Variants in SMIM12 observed in about 807,000 individuals in gnomAD.
The protein encoded by SMIM12 is small integral membrane protein 12.
In SMIM12, 5 loss-of-function variants were observed where a neutral mutation model predicts 6.3. That is an observed-to-expected ratio of 0.80 (90% CI 0.42 to 1.68). The LOEUF (loss-of-function observed/expected upper bound fraction) is 1.68. Among genes scored for constraint, SMIM12 ranks in the 40% most tolerant of loss-of-function variants. The pLI, the probability that SMIM12 is intolerant of heterozygous loss-of-function variation, is 0.02. For synonymous variants in SMIM12, 51 were observed against 48.0 expected (o/e 1.06, Z -0.26); for missense variants, 103 against 121.4 (o/e 0.85, Z 0.71).
intron 1 of SMIM12, chr1:34,858,226 T>C (rs1037420908): frequency 6.6e-5 from 10 of 152,132 alleles, no homozygotes; most frequent in Non-Finnish European, 1.2e-4. Flanking sequence ...ATAACACCTC[T>C]ATGATGTAGG....
Position 34,855,036 on chromosome 1 carries a change from T to C in SMIM12, c.*663A>G. On this transcript the variant is annotated 3_prime_UTR_variant, in exon 2 of 2. Coordinates refer to ENST00000521580, the MANE Select transcript of SMIM12 (RefSeq NM_138428.6). ...CCCAAATACCACCTGGATGATAAGA[T>C]TCGATCATTATGGTTCTCAGATACC... 2 of 1,267,754 alleles carry C rather than the reference T, an allele frequency of 1.6e-6. No homozygotes were observed. The highest frequency in any genetic ancestry group is 2.1e-6 in the Non-Finnish European group (2 of 973,906). The allele number at this position is 1,267,754 out of a possible 1,614,324, so 78.5% of individuals were successfully genotyped here.
At position 34,854,560 on chromosome 1, in the gene SMIM12, C is replaced by A. The variant is rs113260231; in HGVS notation, c.*1139G>T. On this transcript the variant is annotated 3_prime_UTR_variant, in exon 2 of 2. Coordinates refer to ENST00000521580, the MANE Select transcript of SMIM12 (RefSeq NM_138428.6). ...CTCCAGCCTGTGTGACAGAGTGAGACCCTGTCTCCAAAAAACCAATTATGA... is the reference window on the plus strand; with the variant it reads ...CTCCAGCCTGTGTGACAGAGTGAGAACCTGTCTCCAAAAAACCAATTATGA... The A allele has an allele frequency of 0.016, 2,423 of 152,398 alleles. 26 individuals carry two copies. The highest frequency in any genetic ancestry group is 0.031 in the Middle Eastern group (9 of 294). The allele number at this position is 152,398 out of a possible 1,614,324, so 9.4% of individuals were successfully genotyped here.
rs752041534 is a variant in SMIM12 at position 34,854,399 on chromosome 1, T to C, written c.*1300A>G. ...CTAGCCTGGGCAACATAGTGAGACC[T>C]GGTTCTACAAAAAAATAAAAAAATT... On this transcript the variant is annotated 3_prime_UTR_variant, in exon 2 of 2. Transcript: ENST00000521580. 2.6e-5 allele frequency: 4 copies of C among 152,070 alleles called. No individual in the cohort carries two copies. Among genetic ancestry groups the C allele is most frequent in the African/African-American group, 7.3e-5 (3 of 41,370 alleles). The allele number at this position is 152,070 out of a possible 1,614,324, so 9.4% of individuals were successfully genotyped here.
chr1:34,857,338 A>G (rs1638687133), intron 1 of SMIM12: 1 of 152,158 alleles, frequency 6.6e-6, no homozygotes, highest in South Asian at 2.1e-4. Context: ...GTAAAAACAC[A>G]CAAATTGGAT....
intron 1 of SMIM12, chr1:34,858,367 T>C (rs1050740920): frequency 1.3e-5 from 2 of 152,218 alleles, no homozygotes; most frequent in African/African-American, 4.8e-5. Flanking sequence ...GCCTACACTC[T>C]TTCTAGTGGG....
At chr1:34,858,891 T>C (rs1379853259) in intron 1 of SMIM12, 1 of 152,232 alleles carries the variant, frequency 6.6e-6, no homozygotes, top group Non-Finnish European at 1.5e-5. Context: ...AAGAACCGTG[T>C]CTGTCTGGCC....
rs1300420379 is a variant in SMIM12, at chr1:34,854,529, A to G, written c.*1170T>C. 1 of 152,408 alleles carries G rather than the reference A, an allele frequency of 6.6e-6. No individual in the cohort carries two copies. 9.4% of individuals were successfully genotyped at this position (152,408 alleles called of 1,614,324 possible). A position where few individuals can be genotyped will look rare whatever the true frequency, so the allele number is the denominator to read the frequency against. Reference sequence around the variant, plus strand: ...CAAGGTTGCACTGAGCCGTAATTGTACTGCACTCCAGCCTGTGTGACAGAG... The same window carrying G: ...CAAGGTTGCACTGAGCCGTAATTGTGCTGCACTCCAGCCTGTGTGACAGAG... On this transcript the variant is annotated 3_prime_UTR_variant, in exon 2 of 2. Transcript: ENST00000521580.
In SMIM12 at chr1:34,851,285, T is replaced by C. The variant is rs1367497419; in HGVS notation, c.*4414A>G. 2.0e-5 allele frequency: 3 copies of C among 152,096 alleles called. No individual in the cohort carries two copies. The highest frequency in any genetic ancestry group is 7.2e-5 in the African/African-American group (3 of 41,418). 9.4% of individuals were successfully genotyped at this position (152,096 alleles called of 1,614,324 possible). Reference sequence around the variant, plus strand: ...ACCCAACAAAAATTCTTACCCCTATTTTACAGGTGAGGATATTGAGGTTCA... The same window carrying C: ...ACCCAACAAAAATTCTTACCCCTATCTTACAGGTGAGGATATTGAGGTTCA... On this transcript the variant is annotated 3_prime_UTR_variant, in exon 2 of 2. Transcript: ENST00000521580.
chr1:34,856,065 A>T, intron 1 of SMIM12, 83 bp from the exon 2 acceptor site: 1 of 1,379,690 alleles, frequency 7.2e-7, no homozygotes. Context: ...CTCTCCACTT[A>T]CCAGGCAGCC....
chr1:34,857,676 C>A (rs557337122), intron 1 of SMIM12: 1 of 152,290 alleles, frequency 6.6e-6, no homozygotes, highest in Admixed American at 6.5e-5. Flanking sequence ...TGATTCTCCC[C>A]CTCTCTCTTT....
At chr1:34,858,149 C>T (rs930421896) in intron 1 of SMIM12, 1 of 151,970 alleles carries the variant, frequency 6.6e-6, no homozygotes, top group South Asian at 2.1e-4. Context: ...TCCAAGACTC[C>T]CCCGCTTATT....
rs373149221 is a variant in SMIM12 at position 34,855,314 on chromosome 1, G to A, written c.*385C>T. ...GCATATTTGAATTCTTTCCAGTGCA[G>A]ACTGGAACTAGACATGCAGGTATCC... is the stretch of plus-strand genomic sequence containing the variant. On this transcript the variant is annotated 3_prime_UTR_variant, in exon 2 of 2. Coordinates refer to ENST00000521580, the MANE Select transcript of SMIM12 (RefSeq NM_138428.6). The A allele has an allele frequency of 4.2e-5, 59 of 1,393,038 alleles. No homozygotes were observed. In the Middle Eastern group the frequency reaches 8.2e-4, roughly 19 times the overall value. The allele number at this position is 1,393,038 out of a possible 1,614,324, so 86.3% of individuals were successfully genotyped here. A position where few individuals can be genotyped will look rare whatever the true frequency, so the allele number is the denominator to read the frequency against.
rs1557679510 is a variant in SMIM12, at chr1:34,855,421, ATC to A, written c.*276_*277del. 6.5e-7 allele frequency: 1 copy of A among 1,537,476 alleles called. No homozygotes were observed. The highest frequency in any genetic ancestry group is 2.7e-5 in the East Asian group (1 of 37,382). ...CCACAGAGATTGACAGCCAATGTTC[ATC>A]TCATAACTCTCCTCCCAGCAGTGCA... On this transcript the variant is annotated 3_prime_UTR_variant, in exon 2 of 2. Coordinates refer to ENST00000521580, the MANE Select transcript of SMIM12 (RefSeq NM_138428.6).
chr1:34,859,375 G>A (rs1638750617), intron 1 of SMIM12: 1 of 152,322 alleles, frequency 6.6e-6, no homozygotes, highest in Admixed American at 6.5e-5. Context: ...AGGAATGGGA[G>A]CGCAAGTAAG....
rs769461115 is a variant in SMIM12 at position 34,855,589 on chromosome 1, G to A, written c.*110C>T. ...TTTGTGTGGCTGTGTGGTGTGGGAA[G>A]GGCCAGAATAAGCAACAAAGCCAAT... On this transcript the variant is annotated 3_prime_UTR_variant, in exon 2 of 2. Transcript: ENST00000521580. The A allele has an allele frequency of 6.2e-7, 1 of 1,613,328 alleles. No individual in the cohort carries two copies. The highest frequency in any genetic ancestry group is 1.7e-5 in the Admixed American group (1 of 60,022).
Position 34,852,463 on chromosome 1 carries a change from CAAAAAAAAAAA to C in SMIM12, c.*3225_*3235del, listed in dbSNP as rs34535449. Among the ~76,000 whole-genome samples, 1 of 81,828 alleles carries C rather than the reference CAAAAAAAAAAA, an allele frequency of 1.2e-5. No homozygotes were observed. Among genetic ancestry groups the C allele is most frequent in the African/African-American group, 4.2e-5 (1 of 23,706 alleles). 53.7% of individuals were successfully genotyped at this position (81,828 alleles called of 152,430 possible). On this transcript the variant is annotated 3_prime_UTR_variant, in exon 2 of 2. Coordinates refer to ENST00000521580, the MANE Select transcript of SMIM12 (RefSeq NM_138428.6). ...TATTTGTAACAAGTTGTTAGATCGC[CAAAAAAAAAAA>C]AAAAAAAAAAACCATAATTATAGGT...
In SMIM12 at chr1:34,851,803, C is replaced by T. The variant is rs1243462494; in HGVS notation, c.*3896G>A. On this transcript the variant is annotated 3_prime_UTR_variant, in exon 2 of 2. Coordinates refer to ENST00000521580, the MANE Select transcript of SMIM12 (RefSeq NM_138428.6). The stretch of plus-strand genomic sequence containing the variant: ...CCACCATCATTGGGCTGGGAAGAGA[C>T]GGGGGTAAGCGGGGAGCAAAAAGCC... Among the ~76,000 whole-genome samples the T allele has an allele frequency of 3.9e-5, 6 of 152,102 alleles. No individual in the cohort carries two copies. Among genetic ancestry groups the T allele is most frequent in the African/African-American group, 7.2e-5 (3 of 41,390 alleles).
rs777648438 is a variant in SMIM12 at position 34,855,338 on chromosome 1, C to T, written c.*361G>A. 9.9e-6 allele frequency: 14 copies of T among 1,415,954 alleles called. No individual in the cohort carries two copies. The highest frequency in any genetic ancestry group is 1.2e-5 in the Non-Finnish European group (13 of 1,054,150). The allele number at this position is 1,415,954 out of a possible 1,614,324, so 87.7% of individuals were successfully genotyped here. Reference sequence around the variant, plus strand: ...AGACTGGAACTAGACATGCAGGTATCCCTCCTAAAGGCAACGCCCAAATCC... The same window carrying T: ...AGACTGGAACTAGACATGCAGGTATTCCTCCTAAAGGCAACGCCCAAATCC... On this transcript the variant is annotated 3_prime_UTR_variant, in exon 2 of 2. Transcript: ENST00000521580.
rs1553172451 is a variant in SMIM12 at position 34,852,476 on chromosome 1, A to AAC, written c.*3222_*3223insGT. The stretch of plus-strand genomic sequence containing the variant: ...TTGTTAGATCGCCAAAAAAAAAAAA[A>AAC]AAAAAAAAACCATAATTATAGGTGT... On this transcript the variant is annotated 3_prime_UTR_variant, in exon 2 of 2. Coordinates refer to ENST00000521580, the MANE Select transcript of SMIM12 (RefSeq NM_138428.6). Among the ~76,000 whole-genome samples, 321 of 149,854 alleles carry AAC rather than the reference A, an allele frequency of 2.1e-3. 2 individuals are homozygous for AAC. The highest frequency in any genetic ancestry group is 7.4e-3 in the African/African-American group (295 of 39,836).
Sources: gnomAD v4.1 joint callset for allele counts (sites outside exome capture counted in the v4.1 genomes callset) on GRCh38, gnomAD v4.1.1 for gene constraint, MANE v1.5 for transcripts, NCBI Gene and HGNC (gene_info 2026-07-23, HGNC 2026-07-21) for gene names.